Variants in DIAPH2 observed in about 807,000 individuals in gnomAD.
DIAPH2 encodes diaphanous related formin 2.
DIAPH2 carries 35 observed loss-of-function variants against 92.7 expected under a neutral mutation model. The observed-to-expected ratio is 0.38, with a 90% confidence interval of 0.29 to 0.50. The LOEUF is 0.50. Ranked by LOEUF, DIAPH2 falls within the 20% of genes least tolerant of loss-of-function variation. The probability of loss-of-function intolerance (pLI) is 0.94; values close to 1 mark genes in which losing one functional copy is unlikely to be tolerated. For synonymous variants in DIAPH2, 301 were observed against 280.4 expected (o/e 1.07, Z -0.73); for missense variants, 701 against 819.5 (o/e 0.86, Z 1.77).
intron 4 of DIAPH2, among the ~76,000 whole-genome samples, chrX:96,785,273 C>T (rs2064446380): frequency 9.0e-6 from 1 of 110,762 alleles, no homozygotes; most frequent in Non-Finnish European, 1.9e-5. Context: ...GGTTCTATCA[C>T]AGAATACCTG....
At chrX:96,765,931 G>C (rs981966741) in intron 4 of DIAPH2, among the ~76,000 whole-genome samples, 1 of 110,974 alleles carries the variant, frequency 9.0e-6, no homozygotes, top group Non-Finnish European at 1.9e-5. Context: ...TAGTGTGTCC[G>C]CCAAGCTCCT....
chrX:97,399,916 A>G (rs2069738823), intron 25 of DIAPH2, among the ~76,000 whole-genome samples: 2 of 112,621 alleles, frequency 1.8e-5, no homozygotes, highest in Admixed American at 9.4e-5. Flanking sequence ...GCAATAACTA[A>G]CAACTACTAA....
At chrX:97,226,395 G>A (rs997675130) in intron 22 of DIAPH2, among the ~76,000 whole-genome samples, 1 of 110,104 alleles carries the variant, frequency 9.1e-6, no homozygotes, top group African/African-American at 3.3e-5. Flanking sequence ...TTTTGTTTGA[G>A]ATGGAGTCTC....
chrX:96,765,526 A>G (rs2064298091), intron 4 of DIAPH2, among the ~76,000 whole-genome samples: 1 of 111,692 alleles, frequency 9.0e-6, no homozygotes, highest in Admixed American at 9.5e-5. Context: ...GTATATTGTT[A>G]TAATTTTTCT....
intron 22 of DIAPH2, among the ~76,000 whole-genome samples, chrX:97,200,012 C>T (rs1040861532): frequency 9.2e-6 from 1 of 109,109 alleles, no homozygotes; most frequent in Non-Finnish European, 1.9e-5. Context: ...CCTAGTTGAT[C>T]TCATTGGGAC....
chrX:97,028,678 C>T (rs1189242880), intron 17 of DIAPH2, among the ~76,000 whole-genome samples: 1 of 111,799 alleles, frequency 8.9e-6, no homozygotes, highest in Non-Finnish European at 1.9e-5. Context: ...GTATGATATA[C>T]CACAGATGGT....
intron 24 of DIAPH2, among the ~76,000 whole-genome samples, chrX:97,374,262 A>T (rs1400609634): frequency 9.0e-6 from 1 of 110,858 alleles, no homozygotes; most frequent in African/African-American, 3.3e-5. Flanking sequence ...AGGGAAGAAA[A>T]TTTCTATTTT....
rs781149372 is a variant in DIAPH2, at chrX:97,016,269, G to T, written c.2050+51062G>T. 3.6e-5 allele frequency among the ~76,000 whole-genome samples: 4 copies of T among 111,843 alleles called. No homozygotes were observed. In the Admixed American group the frequency reaches 3.8e-4, roughly 11 times the overall value. Reference sequence around the variant, plus strand: ...GTTGGGCTTTTCTTAAGGCTAAATTGTTCCCATTTGTTTTAGAGAACAACT... The same window carrying T: ...GTTGGGCTTTTCTTAAGGCTAAATTTTTCCCATTTGTTTTAGAGAACAACT... On this transcript the variant is annotated intron_variant, in intron 17 of 26. Transcript: ENST00000324765.
chrX:96,953,232 G>A (rs114799961), intron 15 of DIAPH2, among the ~76,000 whole-genome samples: 3,885 of 111,298 alleles, frequency 0.035, 166 homozygotes, highest in African/African-American at 0.12. Flanking sequence ...TACAGAGTTC[G>A]TTCAATATTT....
intron 17 of DIAPH2, among the ~76,000 whole-genome samples, chrX:96,977,328 G>A (rs912597390): frequency 3.6e-5 from 4 of 111,741 alleles, no homozygotes; most frequent in Non-Finnish European, 1.9e-5. Flanking sequence ...TCTGTCAGTG[G>A]TAAAACGTTG....
chrX:96,725,036 G>C (rs2064012706), intron 1 of DIAPH2, among the ~76,000 whole-genome samples: 2 of 111,744 alleles, frequency 1.8e-5, no homozygotes, highest in African/African-American at 6.5e-5. Context: ...ACAGCGAAGA[G>C]TCCGTCGTGA....
intron 1 of DIAPH2, 98 bp from the exon 2 acceptor site, chrX:96,735,660 T>C: frequency 2.0e-6 from 1 of 512,072 alleles, no homozygotes; most frequent in Non-Finnish European, 3.3e-6. Flanking sequence ...TGTTTACAGT[T>C]AATAAAAATG....
intron 23 of DIAPH2, among the ~76,000 whole-genome samples, chrX:97,325,007 C>A (rs2068937536): frequency 9.0e-6 from 1 of 111,424 alleles, no homozygotes. Context: ...GCCATGTTGG[C>A]CAGGCTGGTC....
At chrX:96,926,707 T>C (rs2065584162) in intron 9 of DIAPH2, among the ~76,000 whole-genome samples, 2 of 111,885 alleles carry the variant, frequency 1.8e-5, no homozygotes, top group Admixed American at 9.5e-5. Context: ...TTTTTAACTA[T>C]GTATGCTTAT....
chrX:96,932,871 T>C (rs991863388), intron 10 of DIAPH2, among the ~76,000 whole-genome samples: 2 of 111,416 alleles, frequency 1.8e-5, no homozygotes, highest in African/African-American at 6.5e-5. Flanking sequence ...CACTAGATCT[T>C]ATTACTTCTA....
intron 22 of DIAPH2, among the ~76,000 whole-genome samples, chrX:97,157,143 C>A (rs2067329173): frequency 9.1e-6 from 1 of 110,299 alleles, no homozygotes; most frequent in South Asian, 3.9e-4. Flanking sequence ...GGAGAAACCC[C>A]ATCTCTACTA....
intron 26 of DIAPH2, among the ~76,000 whole-genome samples, chrX:97,469,438 A>G (rs2070542900): frequency 8.9e-6 from 1 of 111,804 alleles, no homozygotes; most frequent in Non-Finnish European, 1.9e-5. Flanking sequence ...AGTGCTGGCA[A>G]TACGCAGTTC....
chrX:97,376,579 A>G (rs1325929304), intron 24 of DIAPH2, among the ~76,000 whole-genome samples: 1 of 112,501 alleles, frequency 8.9e-6, no homozygotes, highest in African/African-American at 3.2e-5. Context: ...TAATATAATA[A>G]TAACCACCAC....
At chrX:96,741,570 G>A (rs2064120036) in intron 3 of DIAPH2, among the ~76,000 whole-genome samples, 1 of 107,671 alleles carries the variant, frequency 9.3e-6, no homozygotes, top group African/African-American at 3.4e-5. Context: ...CAATCTCCTG[G>A]GCTCAGGTGA....
Sources: allele counts gnomAD v4.1 joint callset (sites outside exome capture counted in the v4.1 genomes callset), GRCh38; gene constraint gnomAD v4.1.1; transcripts MANE v1.5; gene names NCBI Gene and HGNC (gene_info 2026-07-23, HGNC 2026-07-21).